PRPF8: variants seen among roughly 807,000 people sequenced by gnomAD.
PRPF8 encodes the protein pre-mRNA-processing-splicing factor 8.
A neutral mutation model predicts 285.9 loss-of-function variants in PRPF8; 64 were observed. The ratio of observed to expected loss-of-function variants is 0.22; its 90% CI spans 0.18 to 0.28. The LOEUF (loss-of-function observed/expected upper bound fraction) is 0.28. Among genes scored for constraint, PRPF8 ranks in the 10% least tolerant of loss-of-function variants. PRPF8 has a pLI of 1.00. For synonymous variants in PRPF8, 1,325 were observed against 1,118.2 expected (o/e 1.18, Z -3.69); for missense variants, 1,426 against 3,026.7 (o/e 0.47, Z 12.41).
intron 37 of PRPF8, chr17:1,654,775 C>T (rs1200783599): frequency 6.1e-6 from 1 of 163,700 alleles, no homozygotes; most frequent in African/African-American, 2.4e-5. Context: ...GGACTACAAG[C>T]GTGTACCACC....
chr17:1,682,302 T>A lies in PRPF8; in HGVS notation c.270-9A>T. On this transcript the variant is annotated splice_polypyrimidine_tract_variant and intron_variant, in intron 3 of 42. Transcript: ENST00000304992. ...GCATGTACTTTAGGGCACTGGCACA[T>A]TAGAAAAAGAGAAGGCTATCAGAAA... The A allele has an allele frequency of 2.5e-6, 4 of 1,613,752 alleles. No individual in the cohort carries two copies. Among genetic ancestry groups the A allele is most frequent in the Non-Finnish European group, 3.4e-6 (4 of 1,179,732 alleles).
In PRPF8 at chr17:1,661,836, AC is replaced by A. The variant is rs1386316861; in HGVS notation, c.4023-47del. On this transcript the variant is annotated intron_variant, in intron 25 of 42. Transcript: ENST00000304992. This position sits in a 1 kb window ranked among gnomAD's most constrained non-coding sequence, Gnocchi z 7.3. ...GATTACAGAAAAAATAAAGCCTAAAACTAAAGAAATACCCACTTCCCTTAGG... is the reference window on the plus strand; with the variant it reads ...GATTACAGAAAAAATAAAGCCTAAAATAAAGAAATACCCACTTCCCTTAGG... 6.2e-7 allele frequency: 1 copy of A among 1,614,008 alleles called. No individual in the cohort carries two copies. The highest frequency in any genetic ancestry group is 8.5e-7 in the Non-Finnish European group (1 of 1,180,032).
At chr17:1,663,647 T>A (rs1466831829) in intron 24 of PRPF8, among the ~76,000 whole-genome samples, 1 of 135,064 alleles carries the variant, frequency 7.4e-6, no homozygotes, top group Non-Finnish European at 1.5e-5. Flanking sequence ...AGGCAGAGGT[T>A]GCACTGAGCC....
chr17:1,663,531 AC>A (rs59606249), intron 24 of PRPF8, among the ~76,000 whole-genome samples: 147,450 of 151,354 alleles, frequency 0.97, 71,841 homozygotes, highest in East Asian at 1. Context: ...GCATGGTGAG[AC>A]CCCCCGTCTC....
chr17:1,670,799 T>G (rs948637118), intron 24 of PRPF8, among the ~76,000 whole-genome samples: 1 of 152,158 alleles, frequency 6.6e-6, no homozygotes, highest in Non-Finnish European at 1.5e-5. Context: ...CTCTCATCAT[T>G]TTTATCTGGA....
Position 1,681,832 on chromosome 17 carries a change from C to A in PRPF8, c.641G>T (p.Arg214Met). ...ATCTATCACTCACTTCCTGCTGTCC[C>A]TCAACGGCTGGTGGTCATAGAACCA... ...LDWFYDHQPL[R>M]DSRKYVNGST... is the part of the protein sequence containing the mutation. Residue 214 changes from arginine to methionine, a missense_variant, in exon 5 of 43, where the codon AGG (arginine) becomes ATG (methionine). This residue lies in a region of PRPF8 where 157 missense variants were observed against 159.6 expected (regional missense o/e 0.98). Transcript: ENST00000304992. 6.2e-7 allele frequency: 1 copy of A among 1,614,070 alleles called. No homozygotes were observed. Among genetic ancestry groups the A allele is most frequent in the Non-Finnish European group, 8.5e-7 (1 of 1,180,020 alleles).
chr17:1,678,889 A>C lies in PRPF8; in HGVS notation c.1600-8T>G. 1.2e-6 allele frequency: 2 copies of C among 1,614,140 alleles called. No individual in the cohort carries two copies. Among genetic ancestry groups the C allele is most frequent in the Non-Finnish European group, 1.7e-6 (2 of 1,180,036 alleles). On this transcript the variant is annotated splice_polypyrimidine_tract_variant and splice_region_variant and intron_variant, in intron 11 of 42. Transcript: ENST00000304992. Reference sequence around the variant, plus strand: ...ACGAGATTTCTTTCTTTCCTGGAGAAGATGCAAAAAACAGACAGAACGTGA... The same window carrying C: ...ACGAGATTTCTTTCTTTCCTGGAGACGATGCAAAAAACAGACAGAACGTGA...
At position 1,681,697 on chromosome 17, in the gene PRPF8, A is replaced by G. The variant is rs1214374859; in HGVS notation, c.654-7T>C. 1.2e-6 allele frequency: 2 copies of G among 1,613,910 alleles called. No homozygotes were observed. The highest frequency in any genetic ancestry group is 1.1e-5 in the South Asian group (1 of 91,082). On this transcript the variant is annotated splice_region_variant and splice_polypyrimidine_tract_variant and intron_variant, in intron 5 of 42. Coordinates refer to ENST00000304992, the MANE Select transcript of PRPF8 (RefSeq NM_006445.4). ...AGTGGAGCCATTTACATACCTAGGT[A>G]AAAAATGAAAGGCCCACCTCAAGTA...
chr17:1,669,073 T>G (rs1403178205), intron 24 of PRPF8, among the ~76,000 whole-genome samples: 1 of 152,156 alleles, frequency 6.6e-6, no homozygotes, highest in Non-Finnish European at 1.5e-5. Flanking sequence ...ATTCTATCCC[T>G]AGGGAGACCC....
chr17:1,660,955 G>C (rs1449488697), intron 28 of PRPF8, 38 bp downstream of exon 28: 2 of 1,612,840 alleles, frequency 1.2e-6, no homozygotes, highest in South Asian at 1.1e-5. Context: ...GAGCTCAAAG[G>C]GTTGTGACAG....
intron 24 of PRPF8, among the ~76,000 whole-genome samples, chr17:1,662,926 T>G (rs1013638952): frequency 2.6e-5 from 4 of 151,850 alleles, no homozygotes; most frequent in African/African-American, 9.7e-5. Context: ...AGTATGTGGG[T>G]AAAATGCAAA....
chr17:1,676,423 C>T lies in PRPF8; in HGVS notation c.2389-53G>A, dbSNP rs1912604016. ...CCGCTACAGCCCGATCCTGCCAGAA[C>T]AAGGTTCAGTCACAACTCTACAGTC... On this transcript the variant is annotated intron_variant, in intron 16 of 42. Transcript: ENST00000304992. The surrounding 1 kb of genome is among the most constrained non-coding windows in gnomAD (Gnocchi z 6.3). 1.2e-6 allele frequency: 2 copies of T among 1,614,090 alleles called. No homozygotes were observed. Among genetic ancestry groups the T allele is most frequent in the Non-Finnish European group, 1.7e-6 (2 of 1,180,032 alleles).
rs1350854327 is a variant in PRPF8, at chr17:1,675,591, C to T, written c.2872+29G>A. On this transcript the variant is annotated intron_variant, in intron 19 of 42. Coordinates refer to ENST00000304992, the MANE Select transcript of PRPF8 (RefSeq NM_006445.4). The surrounding 1 kb of genome is among the most constrained non-coding windows in gnomAD (Gnocchi z 6.0). ...GTAGAACTAAATTCCTGCCCCGTTC[C>T]TCACAGGGCGATCTCATGAAAGTTC... 6.2e-7 allele frequency: 1 copy of T among 1,613,018 alleles called. No homozygotes were observed.
rs554518031 is a variant in PRPF8 at position 1,675,133 on chromosome 17, T to C, written c.3060+19A>G. 57 of 1,612,710 alleles carry C rather than the reference T, an allele frequency of 3.5e-5. 1 individual carries two copies. The South Asian group carries it at 4.9e-4, about 14-fold the overall frequency. On this transcript the variant is annotated intron_variant, in intron 20 of 42. Coordinates refer to ENST00000304992, the MANE Select transcript of PRPF8 (RefSeq NM_006445.4). The surrounding 1 kb of genome is among the most constrained non-coding windows in gnomAD (Gnocchi z 6.0). ...AAGCACTCCACACACAATTCCATGC[T>C]ACTGCGCCTGAGACGCACCTTATAG...
At chr17:1,655,673 C>A (rs1911336782) in intron 36 of PRPF8, 130 bp from the exon 37 acceptor site, 2 of 791,660 alleles carry the variant, frequency 2.5e-6, no homozygotes, top group Admixed American at 2.1e-5. Flanking sequence ...GTCGCCCAGG[C>A]TGGAGTGCAG....
chr17:1,673,978 C>G lies in PRPF8; in HGVS notation c.3300-86G>C, dbSNP rs1912469597. ...GTCCTCCAGCTCAATAGACGGAGAC[C>G]CCACCCCATCCTACCCCCACCCTCC... On this transcript the variant is annotated intron_variant, in intron 21 of 42. Transcript: ENST00000304992. This position sits in a 1 kb window ranked among gnomAD's most constrained non-coding sequence, Gnocchi z 5.5. 4 of 1,467,688 alleles carry G rather than the reference C, an allele frequency of 2.7e-6. No homozygotes were observed. The African/African-American group carries it at 4.2e-5, about 15-fold the overall frequency. 90.9% of individuals were successfully genotyped at this position (1,467,688 alleles called of 1,614,324 possible). A position where few individuals can be genotyped will look rare whatever the true frequency, so the allele number is the denominator to read the frequency against.
chr17:1,672,946 G>A, intron 24 of PRPF8, 135 bp downstream of exon 24: 1 of 839,532 alleles, frequency 1.2e-6, no homozygotes, highest in Non-Finnish European at 2.1e-6. Context: ...AAGCCACTAT[G>A]GCACAGAGCA....
rs1912763944 is a variant in PRPF8, at chr17:1,679,014, C to A, written c.1599+3G>T. The A allele has an allele frequency of 1.2e-6, 2 of 1,613,960 alleles. No homozygotes were observed. Among genetic ancestry groups the A allele is most frequent in the Non-Finnish European group, 8.5e-7 (1 of 1,180,052 alleles). On this transcript the variant is annotated splice_donor_region_variant and intron_variant, in intron 11 of 42. Transcript: ENST00000304992. This position sits in a 1 kb window ranked among gnomAD's most constrained non-coding sequence, Gnocchi z 4.7. ...GGAGGCCCCTAGGGTCCAATGCAGG[C>A]ACCTTGGTGGTGAGCGTTTTCACAG...
chr17:1,650,863 T>C lies in PRPF8; in HGVS notation c.6947A>G (p.Asn2316Ser). ...CTCCCCCTCCTGCAGGAGAGCAAAG[T>C]TGAGGAAGTGAGAGGGCCTGTGCAC... ...HEVHRPSHFL[N>S]FALLQEGEVY... Residue 2316 changes from asparagine to serine, a missense_variant, in exon 43 of 43, where the codon AAC becomes AGC. Coordinates refer to ENST00000304992, the MANE Select transcript of PRPF8 (RefSeq NM_006445.4). 3 of 1,614,138 alleles carry C rather than the reference T, an allele frequency of 1.9e-6. No individual in the cohort carries two copies. The highest frequency in any genetic ancestry group is 2.5e-6 in the Non-Finnish European group (3 of 1,180,016).
Sources: allele counts gnomAD v4.1 joint callset (sites outside exome capture counted in the v4.1 genomes callset), GRCh38; gene constraint gnomAD v4.1.1; regional missense constraint gnomAD v4.1.1; non-coding constraint Gnocchi (gnomAD v3.1); transcripts MANE v1.5; gene names NCBI Gene and HGNC (gene_info 2026-07-23, HGNC 2026-07-21).